SLC39A11: variants seen among roughly 807,000 people sequenced by gnomAD.
SLC39A11 encodes the protein solute carrier family 39 member 11, also known as zinc transporter ZIP11.
SLC39A11 carries 33 observed loss-of-function variants against 36.1 expected under a neutral mutation model. That is an observed-to-expected ratio of 0.91 (90% confidence interval 0.69 to 1.22). The LOEUF (loss-of-function observed/expected upper bound fraction) is 1.22. Among genes scored for constraint, SLC39A11 ranks in the 50% most tolerant of loss-of-function variants. The probability of loss-of-function intolerance (pLI) is 0.00; values close to 1 mark genes in which losing one functional copy is unlikely to be tolerated. For missense variants in SLC39A11, 432 were observed against 430.3 expected (o/e 1.00, Z -0.03); for synonymous variants, 166 against 170.3 (o/e 0.97, Z 0.20).
intron 4 of SLC39A11, among the ~76,000 whole-genome samples, chr17:72,953,230 A>T (rs1399070091): frequency 6.6e-6 from 1 of 152,030 alleles, no homozygotes; most frequent in Non-Finnish European, 1.5e-5. Context: ...GTGGGGGGCC[A>T]ATCCCTGGCT....
At chr17:72,681,995 G>T (rs1222159287) in intron 7 of SLC39A11, among the ~76,000 whole-genome samples, 1 of 152,084 alleles carries the variant, frequency 6.6e-6, no homozygotes, top group Non-Finnish European at 1.5e-5. Context: ...CATCTGTATT[G>T]ACAGCCACTC....
intron 7 of SLC39A11, among the ~76,000 whole-genome samples, chr17:72,653,135 C>T (rs541465339): frequency 1.4e-5 from 2 of 145,764 alleles, no homozygotes; most frequent in East Asian, 2.0e-4. Context: ...GATGGAGTCT[C>T]GCTCTGTCAT....
chr17:73,056,465 G>A (rs773261794), intron 3 of SLC39A11, among the ~76,000 whole-genome samples: 2 of 152,130 alleles, frequency 1.3e-5, no homozygotes, highest in African/African-American at 4.8e-5. Flanking sequence ...CACCGCACCC[G>A]GCTGGACTCT....
intron 5 of SLC39A11, among the ~76,000 whole-genome samples, chr17:72,902,678 C>T (rs980568161): frequency 1.3e-5 from 2 of 152,132 alleles, no homozygotes; most frequent in Non-Finnish European, 1.5e-5. Flanking sequence ...ATAGAATAAC[C>T]GGACATACTT....
rs546728421 is a variant in SLC39A11, at chr17:73,091,353, G to A, written c.-12+1258C>T. Among the ~76,000 whole-genome samples, 61 of 152,088 alleles carry A rather than the reference G, an allele frequency of 4.0e-4. 1 individual carries two copies. Among genetic ancestry groups the A allele is most frequent in the African/African-American group, 1.1e-3 (46 of 41,498 alleles). On this transcript the variant is annotated intron_variant, in intron 1 of 9. Transcript: ENST00000255559. The stretch of plus-strand genomic sequence containing the variant: ...AGCTACTCGGGAGGCTGAGGCAGGA[G>A]TAATCGCTTGAACCCGGGAGGCGGA...
intron 5 of SLC39A11, among the ~76,000 whole-genome samples, chr17:72,917,774 T>G (rs1324944275): frequency 6.6e-6 from 1 of 152,220 alleles, no homozygotes; most frequent in Non-Finnish European, 1.5e-5. Context: ...ACTGAGTTAT[T>G]ATCAGTAGGT....
At chr17:72,896,192 C>CTTTTTTTTTTTT (rs771180987) in intron 5 of SLC39A11, among the ~76,000 whole-genome samples, 1 of 74,554 alleles carries the variant, frequency 1.3e-5, no homozygotes, top group African/African-American at 6.1e-5. Context: ...CACATTAATC[C>CTTTTTTTTTTTT]TTTTTTTTTT....
At chr17:72,795,078 A>G (rs1262988204) in intron 6 of SLC39A11, among the ~76,000 whole-genome samples, 1 of 152,092 alleles carries the variant, frequency 6.6e-6, no homozygotes, top group Non-Finnish European at 1.5e-5. Flanking sequence ...CAAATAATTT[A>G]TCTCCCTCAT....
At chr17:73,048,023 A>ATATC (rs2059377913) in intron 3 of SLC39A11, among the ~76,000 whole-genome samples, 1 of 120,144 alleles carries the variant, frequency 8.3e-6, no homozygotes, top group Non-Finnish European at 1.7e-5. Context: ...ATATATATAT[A>ATATC]TATCATGTAT....
chr17:72,900,993 CGA>C (rs2082368441), intron 5 of SLC39A11, among the ~76,000 whole-genome samples: 1 of 150,076 alleles, frequency 6.7e-6, no homozygotes, highest in African/African-American at 2.5e-5. Context: ...AAAAAAAACA[CGA>C]AAAAAAAACA....
chr17:72,826,170 C>T (rs2078020952), intron 6 of SLC39A11, among the ~76,000 whole-genome samples: 1 of 152,104 alleles, frequency 6.6e-6, no homozygotes, highest in African/African-American at 2.4e-5. Context: ...TGGACTTCCC[C>T]CTTGCTGTTA....
intron 5 of SLC39A11, among the ~76,000 whole-genome samples, chr17:72,883,983 T>G (rs1567881043): frequency 6.6e-6 from 1 of 152,112 alleles, no homozygotes; most frequent in African/African-American, 2.4e-5. Flanking sequence ...GGCAAAACTC[T>G]GTCTCTACAA....
chr17:72,698,169 C>T (rs1236111948), intron 7 of SLC39A11, among the ~76,000 whole-genome samples: 2 of 152,076 alleles, frequency 1.3e-5, no homozygotes, highest in East Asian at 3.8e-4. Flanking sequence ...TACTTATGCA[C>T]AGGCTGAAAT....
At chr17:72,994,772 A>C (rs926706374) in intron 4 of SLC39A11, among the ~76,000 whole-genome samples, 4 of 152,170 alleles carry the variant, frequency 2.6e-5, no homozygotes, top group African/African-American at 7.2e-5. Context: ...TTTAGAAAGA[A>C]CAAACACTCC....
At chr17:73,044,893 A>G (rs976304957) in intron 3 of SLC39A11, among the ~76,000 whole-genome samples, 14 of 151,828 alleles carry the variant, frequency 9.2e-5, no homozygotes, top group East Asian at 3.9e-4. Context: ...AAAAAAAAAA[A>G]AAAGAAAAGA....
chr17:72,660,220 C>T (rs552474413), intron 7 of SLC39A11, among the ~76,000 whole-genome samples: 58 of 152,196 alleles, frequency 3.8e-4, no homozygotes, highest in Non-Finnish European at 7.2e-4. Context: ...CCACTGCAAC[C>T]GCCTGCGGTT....
intron 3 of SLC39A11, among the ~76,000 whole-genome samples, chr17:73,049,419 C>T (rs2059423334): frequency 6.6e-6 from 1 of 152,148 alleles, no homozygotes; most frequent in Non-Finnish European, 1.5e-5. Context: ...CCAGGAGCAG[C>T]AGGGCAGGTT....
At chr17:72,844,758 C>T (rs569133042) in intron 6 of SLC39A11, among the ~76,000 whole-genome samples, 3 of 152,322 alleles carry the variant, frequency 2.0e-5, no homozygotes, top group Non-Finnish European at 4.4e-5. Flanking sequence ...CAACTCCAAA[C>T]TCATGTATCC....
chr17:72,826,823 G>C (rs931848056), intron 6 of SLC39A11, among the ~76,000 whole-genome samples: 13 of 152,096 alleles, frequency 8.5e-5, no homozygotes, highest in Admixed American at 6.5e-5. Context: ...CACTAGGATG[G>C]CTATAATAAA....
Sources: gnomAD v4.1 joint callset for allele counts (sites outside exome capture counted in the v4.1 genomes callset) on GRCh38, gnomAD v4.1.1 for gene constraint, MANE v1.5 for transcripts, NCBI Gene and HGNC (gene_info 2026-07-23, HGNC 2026-07-21) for gene names.